C21orf91: variants seen among roughly 807,000 people sequenced by gnomAD.
C21orf91 encodes the protein chromosome 21 open reading frame 91, also known as protein EURL homolog.
Under a neutral mutation model 32.9 loss-of-function variants are expected in C21orf91, and 26 were observed. That is an observed-to-expected ratio of 0.79 (90% confidence interval 0.58 to 1.10). The LOEUF is 1.10. Among genes scored for constraint, C21orf91 ranks in the 50% least tolerant of loss-of-function variants. The pLI, the probability that C21orf91 is intolerant of heterozygous loss-of-function variation, is 0.00. For synonymous variants in C21orf91, 126 were observed against 120.4 expected (o/e 1.05, Z -0.31); for missense variants, 310 against 341.3 (o/e 0.91, Z 0.72).
chr21:17,795,798 GT>G (rs1262523409), intron 3 of C21orf91, among the ~76,000 whole-genome samples: 2 of 152,078 alleles, frequency 1.3e-5, no homozygotes, highest in Non-Finnish European at 2.9e-5. Flanking sequence ...ATCACTCCCA[GT>G]ACATCACCAC....
Position 17,793,534 on chromosome 21 carries a change from C to A in C21orf91, c.775G>T (p.Ala259Ser). 1 of 1,613,654 alleles carries A rather than the reference C, an allele frequency of 6.2e-7. No individual in the cohort carries two copies. The highest frequency in any genetic ancestry group is 8.5e-7 in the Non-Finnish European group (1 of 1,179,702). Residue 259 changes from alanine to serine, a missense_variant, in exon 5 of 5, where the codon GCC becomes TCC. Physicochemically the swap from Ala to Ser is moderately conservative, Grantham distance 99. Coordinates refer to ENST00000284881, the MANE Select transcript of C21orf91 (RefSeq NM_001100420.2). ...ACGTGGCGGACATGGAGCTGTGAGG[C>A]CAAAGAATCTTTTTCTTGCACTTGG... ...THQVQEKDSL[A>S]SQLHVRHVAI...
At chr21:17,804,776 A>G (rs2062584326) in intron 2 of C21orf91, among the ~76,000 whole-genome samples, 2 of 152,254 alleles carry the variant, frequency 1.3e-5, no homozygotes, top group Non-Finnish European at 2.9e-5. Flanking sequence ...AATTTCAATG[A>G]GCTAAGAGTT....
rs2062691310 is a variant in C21orf91 at position 17,819,332 on chromosome 21, T to C, written c.-37A>G. 1.3e-5 allele frequency: 2 copies of C among 152,338 alleles called. No individual in the cohort carries two copies. The highest frequency in any genetic ancestry group is 6.5e-5 in the Admixed American group (1 of 15,280). The allele number at this position is 152,338 out of a possible 1,614,324, so 9.4% of individuals were successfully genotyped here. On this transcript the variant is annotated 5_prime_UTR_variant, in exon 1 of 5. Coordinates refer to ENST00000284881, the MANE Select transcript of C21orf91 (RefSeq NM_001100420.2). ...CGGCTCCGCGGGCCACCACCGCCGTTCCGTGCGGCTCGGGTTCCTCCACTA... is the reference window on the plus strand; with the variant it reads ...CGGCTCCGCGGGCCACCACCGCCGTCCCGTGCGGCTCGGGTTCCTCCACTA...
intron 2 of C21orf91, 73 bp downstream of exon 2, chr21:17,818,119 T>C: frequency 9.1e-7 from 1 of 1,101,664 alleles, no homozygotes; most frequent in Non-Finnish European, 1.3e-6. Flanking sequence ...ACATTTTAGT[T>C]TTACCTTACA....
rs535991701 is a variant in C21orf91, at chr21:17,796,076, C to A, written c.664+506G>T. ...TGGCTCTGAAAACATGATTTCAAGA[C>A]AATTAAAATCACCTCAGCTTCTGTA... is the stretch of plus-strand genomic sequence containing the variant. On this transcript the variant is annotated intron_variant, in intron 3 of 4. Coordinates refer to ENST00000284881, the MANE Select transcript of C21orf91 (RefSeq NM_001100420.2). 1.4e-4 allele frequency among the ~76,000 whole-genome samples: 22 copies of A among 152,230 alleles called. No homozygotes were observed. The South Asian group carries it at 4.6e-3, about 32-fold the overall frequency.
chr21:17,814,963 T>C (rs1383071452), intron 2 of C21orf91, among the ~76,000 whole-genome samples: 1 of 152,232 alleles, frequency 6.6e-6, no homozygotes, highest in African/African-American at 2.4e-5. Flanking sequence ...ATATCACCTG[T>C]GGCTTGGAAG....
intron 2 of C21orf91, among the ~76,000 whole-genome samples, chr21:17,814,121 T>C (rs1214603269): frequency 6.6e-6 from 1 of 152,194 alleles, no homozygotes; most frequent in Non-Finnish European, 1.5e-5. Context: ...ACTGATAGTA[T>C]GAACCAACAG....
intron 2 of C21orf91, among the ~76,000 whole-genome samples, chr21:17,804,514 TA>T (rs1288075014): frequency 1.3e-5 from 2 of 152,192 alleles, no homozygotes; most frequent in Admixed American, 6.5e-5. Context: ...AAGTAAAAGG[TA>T]ACTGCTTATC....
intron 2 of C21orf91, among the ~76,000 whole-genome samples, chr21:17,808,060 G>A (rs1208941195): frequency 6.6e-6 from 1 of 152,222 alleles, no homozygotes; most frequent in Non-Finnish European, 1.5e-5. Context: ...TGCCTTGAAG[G>A]CATTTCAGAG....
Position 17,792,612 on chromosome 21 carries a change from T to A in C21orf91, c.*803A>T, listed in dbSNP as rs918757008. The A allele has an allele frequency of 2.6e-5, 4 of 152,166 alleles. No individual in the cohort carries two copies. Among genetic ancestry groups the A allele is most frequent in the Non-Finnish European group, 5.9e-5 (4 of 68,006 alleles). The allele number at this position is 152,166 out of a possible 1,614,324, so 9.4% of individuals were successfully genotyped here. On this transcript the variant is annotated 3_prime_UTR_variant, in exon 5 of 5. Transcript: ENST00000284881. ...ACAGTCACTGGTGTGAAGCTAATAATGAAAGAAGCAAGAGGAGGCTTTCAT... is the reference window on the plus strand; with the variant it reads ...ACAGTCACTGGTGTGAAGCTAATAAAGAAAGAAGCAAGAGGAGGCTTTCAT...
Position 17,790,480 on chromosome 21 carries a change from A to G in C21orf91, c.*2935T>C, listed in dbSNP as rs923325688. 6.6e-6 allele frequency: 1 copy of G among 152,134 alleles called. No individual in the cohort carries two copies. The highest frequency in any genetic ancestry group is 1.5e-5 in the Non-Finnish European group (1 of 67,946). The allele number at this position is 152,134 out of a possible 1,614,324, so 9.4% of individuals were successfully genotyped here. On this transcript the variant is annotated 3_prime_UTR_variant, in exon 5 of 5. Coordinates refer to ENST00000284881, the MANE Select transcript of C21orf91 (RefSeq NM_001100420.2). ...ATATATTTGACTATATATTTTGACT[A>G]TATTTCTGAAATCACTAACATGAAC... is the stretch of plus-strand genomic sequence containing the variant.
intron 2 of C21orf91, chr21:17,810,487 T>C (rs1311484707): frequency 6.6e-6 from 1 of 152,236 alleles, no homozygotes; most frequent in Non-Finnish European, 1.5e-5. Context: ...CACTTTCTTT[T>C]CTCTCAGGTT....
In C21orf91 at chr21:17,816,983, T is replaced by C. The variant is rs370782953; in HGVS notation, c.127+1209A>G. Among the ~76,000 whole-genome samples, 52 of 152,350 alleles carry C rather than the reference T, an allele frequency of 3.4e-4. 1 individual carries two copies. In the East Asian group the frequency reaches 5.0e-3, roughly 15 times the overall value. The stretch of plus-strand genomic sequence containing the variant: ...GAAACTTATTTTTAAGATATCCTTT[T>C]ATTTTTATTTAATTTTTTAGAGATG... On this transcript the variant is annotated intron_variant, in intron 2 of 4. Transcript: ENST00000284881.
intron 2 of C21orf91, among the ~76,000 whole-genome samples, chr21:17,803,078 A>C (rs1410323855): frequency 6.6e-6 from 1 of 152,236 alleles, no homozygotes; most frequent in Non-Finnish European, 1.5e-5. Flanking sequence ...TGGGTTTGCT[A>C]AATGGTGGGC....
In C21orf91 at chr21:17,811,205, C is replaced by T. The variant is rs183472763; in HGVS notation, c.127+6987G>A. On this transcript the variant is annotated intron_variant, in intron 2 of 4. Transcript: ENST00000284881. ...CTTTGTGATTTTTGGAATAGTTACC[C>T]AGACTCTCTACTCACTTTCCTTATT... Among the ~76,000 whole-genome samples the T allele has an allele frequency of 2.0e-5, 3 of 152,278 alleles. No homozygotes were observed. In the East Asian group the frequency reaches 5.8e-4, roughly 29 times the overall value.
intron 2 of C21orf91, among the ~76,000 whole-genome samples, chr21:17,801,639 C>T (rs1171718387): frequency 6.7e-6 from 1 of 149,524 alleles, no homozygotes; most frequent in Admixed American, 6.7e-5. Flanking sequence ...GAACATAACA[C>T]ACTGGGGCCT....
rs952014448 is a variant in C21orf91, at chr21:17,796,913, T to C, written c.333A>G (p.Glu111=). 6.2e-7 allele frequency: 1 copy of C among 1,613,268 alleles called. No individual in the cohort carries two copies. Among genetic ancestry groups the C allele is most frequent in the Non-Finnish European group, 8.5e-7 (1 of 1,179,486 alleles). ...AQNKDLDSDS[E]CSKNPQHHLF... ...GATGATGCTGGGGGTTTTTAGAACATTCAGAATCTGAATCCAGATCCTTAT... is the reference window on the plus strand; with the variant it reads ...GATGATGCTGGGGGTTTTTAGAACACTCAGAATCTGAATCCAGATCCTTAT... The change falls in exon 3 of 5, where the codon GAA becomes GAG. Residue 111 remains glutamate, a synonymous_variant. Coordinates refer to ENST00000284881, the MANE Select transcript of C21orf91 (RefSeq NM_001100420.2).
chr21:17,808,814 G>T (rs2062614822), intron 2 of C21orf91: 2 of 152,174 alleles, frequency 1.3e-5, no homozygotes, highest in Non-Finnish European at 2.9e-5. Context: ...GCCAGGGACA[G>T]AATGATATGG....
Position 17,797,108 on chromosome 21 carries a change from C to A in C21orf91, c.138G>T (p.Lys46Asn). 1 of 1,574,364 alleles carries A rather than the reference C, an allele frequency of 6.4e-7. No homozygotes were observed. ...ATGATTTGGTGTGCAAGAGATCAGA[C>A]TTTGGTACCCCTATGGAAAAAAAAG... ...CFELNIEGVP[K>N]SDLLHTKSLR... Residue 46 changes from lysine to asparagine, a missense_variant, in exon 3 of 5, where the codon AAG (lysine) becomes AAT (asparagine). Coordinates refer to ENST00000284881, the MANE Select transcript of C21orf91 (RefSeq NM_001100420.2).
Sources: allele counts gnomAD v4.1 joint callset (sites outside exome capture counted in the v4.1 genomes callset), GRCh38; gene constraint gnomAD v4.1.1; transcripts MANE v1.5; gene names NCBI Gene and HGNC (gene_info 2026-07-23, HGNC 2026-07-21).